ADGRV1: variants seen among roughly 807,000 people sequenced by gnomAD.
ADGRV1 encodes adhesion G protein-coupled receptor V1.
In ADGRV1, 359 loss-of-function variants were observed where a neutral mutation model predicts 596.2. The ratio of observed to expected loss-of-function variants is 0.60; its 90% CI spans 0.55 to 0.66. The LOEUF is 0.66. ADGRV1 is among the 30% of genes least tolerant of loss of function. The probability of loss-of-function intolerance (pLI) is 0.00; values close to 1 mark genes in which losing one functional copy is unlikely to be tolerated. For synonymous variants in ADGRV1, 2,681 were observed against 2,679.2 expected, an observed-to-expected ratio of 1.00 and a Z score of -0.02; for missense variants, 7,274 against 7,575.6, an observed-to-expected ratio of 0.96 and a Z score of 1.48.
intron 85 of ADGRV1, among the ~76,000 whole-genome samples, chr5:90,991,008 T>G (rs138420676): frequency 1.2e-4 from 18 of 152,142 alleles, no homozygotes; most frequent in Non-Finnish European, 2.4e-4. Context: ...GTAAAGGGAA[T>G]GTGGTCCTGA....
chr5:90,661,912 T>G (rs998329545), intron 21 of ADGRV1, among the ~76,000 whole-genome samples: 1 of 152,230 alleles, frequency 6.6e-6, no homozygotes, highest in Non-Finnish European at 1.5e-5. Context: ...CGGAGTCTAG[T>G]ATTTCTGAAA....
At chr5:90,600,828 C>G (rs915986312) in intron 1 of ADGRV1, among the ~76,000 whole-genome samples, 1 of 151,918 alleles carries the variant, frequency 6.6e-6, no homozygotes, top group African/African-American at 2.4e-5. Context: ...AAAGTGAGAA[C>G]CAGAAAACAG....
chr5:90,847,623 G>C lies in ADGRV1; in HGVS notation c.17020-1014G>C, dbSNP rs111863893. On this transcript the variant is annotated intron_variant, in intron 78 of 89. Transcript: ENST00000405460. ...CAGGAGCCCACGGTGGTGGGGGGAG[G>C]CTCAGGCATGGTGGGCTGCAGGTCC... Among the ~76,000 whole-genome samples, 773 of 152,284 alleles carry C rather than the reference G, an allele frequency of 5.1e-3. 10 individuals carry two copies. The highest frequency in any genetic ancestry group is 0.018 in the African/African-American group (729 of 41,566).
At chr5:90,666,726 C>T (rs1771474474) in intron 21 of ADGRV1, among the ~76,000 whole-genome samples, 1 of 151,490 alleles carries the variant, frequency 6.6e-6, no homozygotes, top group Admixed American at 6.6e-5. Flanking sequence ...TACATTTTGG[C>T]ATGATTTTGC....
At chr5:91,054,731 C>T (rs1332598559) in intron 85 of ADGRV1, among the ~76,000 whole-genome samples, 2 of 152,144 alleles carry the variant, frequency 1.3e-5, no homozygotes, top group African/African-American at 4.8e-5. Context: ...TAATCACTCC[C>T]CCAAAGCCCT....
At chr5:90,870,566 C>G (rs139570955) in intron 83 of ADGRV1, among the ~76,000 whole-genome samples, 1 of 152,300 alleles carries the variant, frequency 6.6e-6, no homozygotes, top group East Asian at 1.9e-4. Flanking sequence ...TTGGCAAGAA[C>G]AAGGTCCCTG....
chr5:91,075,814 A>AG, intron 86 of ADGRV1, among the ~76,000 whole-genome samples: 1 of 152,136 alleles, frequency 6.6e-6, no homozygotes, highest in South Asian at 2.1e-4. Context: ...CCCAAAAAAA[A>AG]GTCCAGTCCC....
At chr5:90,648,143 T>G (rs1264347245) in intron 17 of ADGRV1, among the ~76,000 whole-genome samples, 1 of 152,132 alleles carries the variant, frequency 6.6e-6, no homozygotes, top group Non-Finnish European at 1.5e-5. Context: ...TGGAGCAGGG[T>G]GCTGGCACAC....
Position 90,706,401 on chromosome 5 carries a change from C to A in ADGRV1, c.8730+7C>A. On this transcript the variant is annotated splice_region_variant and intron_variant, in intron 38 of 89. Transcript: ENST00000405460. ...CAACATTACCATTCTTGAGGTAAAA[C>A]TCTTTTTTTTTTTTAATCTTAGGGG... 1 of 1,465,580 alleles carries A rather than the reference C, an allele frequency of 6.8e-7. No homozygotes were observed. The highest frequency in any genetic ancestry group is 8.9e-7 in the Non-Finnish European group (1 of 1,123,070). The allele number at this position is 1,465,580 out of a possible 1,614,324, so 90.8% of individuals were successfully genotyped here.
chr5:90,725,012 A>T (rs1751574541), intron 46 of ADGRV1, 23 bp downstream of exon 46: 1 of 1,565,300 alleles, frequency 6.4e-7, no homozygotes, highest in Non-Finnish European at 8.7e-7. Context: ...ATTTTTTTAT[A>T]GTACAAAAAT....
intron 84 of ADGRV1, among the ~76,000 whole-genome samples, chr5:90,969,580 C>T (rs114440372): frequency 0.013 from 1,973 of 152,218 alleles, 26 homozygotes; most frequent in Non-Finnish European, 0.019. Context: ...CAGTGCAAAG[C>T]GAGGATGTAT....
In ADGRV1 at chr5:90,618,007, TA is replaced by T. The variant is rs929381284; in HGVS notation, c.357+59del. 2.7e-4 allele frequency: 377 copies of T among 1,374,852 alleles called. 1 individual carries two copies. The highest frequency in any genetic ancestry group is 3.5e-4 in the Non-Finnish European group (360 of 1,020,856). 85.2% of individuals were successfully genotyped at this position (1,374,852 alleles called of 1,614,324 possible). ...TTATAAGGAGGACTTATAAAACTTA[TA>T]AAAATCTTTTAGTGCTTAACAATCT... On this transcript the variant is annotated intron_variant, in intron 3 of 89. Coordinates refer to ENST00000405460, the MANE Select transcript of ADGRV1 (RefSeq NM_032119.4).
chr5:90,854,247 T>G, intron 81 of ADGRV1, 46 bp downstream of exon 81: 1 of 1,426,540 alleles, frequency 7.0e-7, no homozygotes, highest in Non-Finnish European at 9.4e-7. Flanking sequence ...TCCTTCCCCA[T>G]TTCGGTACCA....
At chr5:90,911,735 G>A (rs1046041767) in intron 83 of ADGRV1, among the ~76,000 whole-genome samples, 9 of 151,806 alleles carry the variant, frequency 5.9e-5, no homozygotes, top group East Asian at 1.9e-4. Context: ...TATTTATTCC[G>A]CCTCTGTTAT....
chr5:90,981,484 G>A (rs766974083), intron 84 of ADGRV1, among the ~76,000 whole-genome samples: 1 of 152,080 alleles, frequency 6.6e-6, no homozygotes, highest in Non-Finnish European at 1.5e-5. Context: ...ATGTTTGCAT[G>A]GGTTTTCTCT....
intron 43 of ADGRV1, 181 bp downstream of exon 43, chr5:90,716,910 G>A: frequency 2.1e-6 from 1 of 468,846 alleles, no homozygotes; most frequent in Non-Finnish European, 3.7e-6. Context: ...TCTGTATAAA[G>A]CGCAACTGGA....
chr5:90,786,686 G>T (rs1441688409), intron 67 of ADGRV1, among the ~76,000 whole-genome samples: 2 of 152,146 alleles, frequency 1.3e-5, no homozygotes, highest in Non-Finnish European at 2.9e-5. Context: ...AAATTCATTG[G>T]GCTAGAAGTA....
At chr5:91,071,190 C>A (rs1467577844) in intron 85 of ADGRV1, among the ~76,000 whole-genome samples, 1 of 152,148 alleles carries the variant, frequency 6.6e-6, no homozygotes, top group Non-Finnish European at 1.5e-5. Context: ...TGGCCTCCTC[C>A]TATGCAGGAG....
In ADGRV1 at chr5:91,119,900, C is replaced by G. The variant is rs1562243881; in HGVS notation, c.18432+17560C>G. ...CAGAAGGACAGCAGAGACTGCAGCA[C>G]TTTGGCTTTGCTTGGCCTTTCGGAC... On this transcript the variant is annotated intron_variant, in intron 87 of 89. Coordinates refer to ENST00000405460, the MANE Select transcript of ADGRV1 (RefSeq NM_032119.4). 2.6e-5 allele frequency among the ~76,000 whole-genome samples: 4 copies of G among 152,240 alleles called. 1 individual carries two copies. Among genetic ancestry groups the G allele is most frequent in the Admixed American group, 2.0e-4 (3 of 15,282 alleles).
Sources: gnomAD v4.1 joint callset for allele counts (sites outside exome capture counted in the v4.1 genomes callset) on GRCh38, gnomAD v4.1.1 for gene constraint, MANE v1.5 for transcripts, NCBI Gene and HGNC (gene_info 2026-07-23, HGNC 2026-07-21) for gene names.